The following CAMK1D variants were observed in gnomAD, a reference collection of about 807,000 sequenced individuals.
CAMK1D encodes the protein calcium/calmodulin dependent protein kinase ID.
Under a neutral mutation model 47.7 loss-of-function variants are expected in CAMK1D, and 9 were observed. That is an observed-to-expected ratio of 0.19 (90% CI 0.11 to 0.33). The LOEUF is 0.33. Ranked by LOEUF, CAMK1D falls within the 10% of genes least tolerant of loss-of-function variation. CAMK1D has a pLI of 1.00. For missense variants in CAMK1D, 291 were observed against 488.7 expected (o/e 0.60, Z 3.81); for synonymous variants, 184 against 184.9 (o/e 0.99, Z 0.04).
chr10:12,800,482 C>G (rs1438767906), intron 6 of CAMK1D, among the ~76,000 whole-genome samples: 1 of 152,198 alleles, frequency 6.6e-6, no homozygotes, highest in Non-Finnish European at 1.5e-5. Context: ...AGAGGACAAA[C>G]AGTGGCCACC....
chr10:12,824,376 C>T lies in CAMK1D; in HGVS notation c.834-89C>T, dbSNP rs978879141. 14 of 1,143,282 alleles carry T rather than the reference C, an allele frequency of 1.2e-5. No homozygotes were observed. The South Asian group carries it at 1.8e-4, about 15-fold the overall frequency. The allele number at this position is 1,143,282 out of a possible 1,614,324, so 70.8% of individuals were successfully genotyped here. ...CTGTCCACGACTGAGCCTCGGCTCT[C>T]CTGAGGCTAGGTAAGACTCCCCTTT... On this transcript the variant is annotated intron_variant, in intron 8 of 10. Transcript: ENST00000619168.
At chr10:12,522,191 CT>C (rs869304123) in intron 1 of CAMK1D, among the ~76,000 whole-genome samples, 2 of 40,388 alleles carry the variant, frequency 5.0e-5, no homozygotes, top group African/African-American at 8.5e-5. Flanking sequence ...GATATATTTC[CT>C]TTTTTTTTCT....
At chr10:12,462,963 G>A (rs575871520) in intron 1 of CAMK1D, among the ~76,000 whole-genome samples, 1 of 152,272 alleles carries the variant, frequency 6.6e-6, no homozygotes, top group South Asian at 2.1e-4. Flanking sequence ...TAGACAGAGA[G>A]CACTCTATCT....
At chr10:12,359,257 A>G (rs1247959533) in intron 1 of CAMK1D, among the ~76,000 whole-genome samples, 1 of 152,194 alleles carries the variant, frequency 6.6e-6, no homozygotes, top group Non-Finnish European at 1.5e-5. Flanking sequence ...CACGGGAACC[A>G]CTGAGAGCCG....
At chr10:12,757,406 G>A (rs1836279291) in intron 3 of CAMK1D, among the ~76,000 whole-genome samples, 1 of 152,002 alleles carries the variant, frequency 6.6e-6, no homozygotes, top group South Asian at 2.1e-4. Context: ...TTCTGATGTG[G>A]AGCTTTCAAA....
intron 1 of CAMK1D, among the ~76,000 whole-genome samples, chr10:12,518,466 T>C (rs1835276228): frequency 9.6e-6 from 1 of 103,702 alleles, no homozygotes; most frequent in African/African-American, 3.6e-5. Context: ...TATGTCTTTA[T>C]TCATTCTTTT....
At chr10:12,809,182 G>A (rs10906230) in intron 6 of CAMK1D, among the ~76,000 whole-genome samples, 68,299 of 151,828 alleles carry the variant, frequency 0.45, 17,010 homozygotes, top group African/African-American at 0.66. Flanking sequence ...TCATCCTAAC[G>A]GGTGGGAAGT....
chr10:12,678,038 A>AG (rs1840870491), intron 3 of CAMK1D, among the ~76,000 whole-genome samples: 1 of 151,866 alleles, frequency 6.6e-6, no homozygotes, highest in South Asian at 2.1e-4. Context: ...ATAAAGAAAA[A>AG]AAAAGGCATA....
At chr10:12,728,986 G>T (rs1213177344) in intron 3 of CAMK1D, among the ~76,000 whole-genome samples, 1 of 152,234 alleles carries the variant, frequency 6.6e-6, no homozygotes, top group African/African-American at 2.4e-5. Flanking sequence ...GAGGGAACAA[G>T]TTAAAAAAGA....
At chr10:12,535,019 T>C (rs1439735855) in intron 1 of CAMK1D, among the ~76,000 whole-genome samples, 5 of 152,166 alleles carry the variant, frequency 3.3e-5, no homozygotes, top group African/African-American at 1.2e-4. Flanking sequence ...ACAGGTTTGG[T>C]GAGCAGCTAG....
rs562526318 is a variant in CAMK1D at position 12,351,348 on chromosome 10, G to T, written c.92+1438G>T. On this transcript the variant is annotated intron_variant, in intron 1 of 10. Transcript: ENST00000619168. ...TTGCCTCTTAGTGCAGCCAGGTAAG[G>T]GGTTAGTTTGGGTCAAAACTTTTGA... 6.0e-4 allele frequency among the ~76,000 whole-genome samples: 92 copies of T among 152,240 alleles called. 1 individual carries two copies. The Middle Eastern group carries it at 0.01, about 17-fold the overall frequency.
chr10:12,761,741 C>T (rs1166253239), intron 4 of CAMK1D, among the ~76,000 whole-genome samples: 1 of 152,106 alleles, frequency 6.6e-6, no homozygotes. Context: ...CAAAAATTAG[C>T]TGGGTGTGGT....
intron 1 of CAMK1D, among the ~76,000 whole-genome samples, chr10:12,500,905 G>T (rs948653873): frequency 6.6e-6 from 1 of 152,192 alleles, no homozygotes; most frequent in Non-Finnish European, 1.5e-5. Flanking sequence ...GAACACTTTC[G>T]CATAGATTGC....
At chr10:12,410,440 G>T (rs576847524) in intron 1 of CAMK1D, among the ~76,000 whole-genome samples, 2 of 152,210 alleles carry the variant, frequency 1.3e-5, no homozygotes, top group Non-Finnish European at 2.9e-5. Context: ...TCCTGAAGGT[G>T]TTGACAGGAA....
chr10:12,726,571 C>A (rs1045125955), intron 3 of CAMK1D, among the ~76,000 whole-genome samples: 11 of 152,178 alleles, frequency 7.2e-5, no homozygotes, highest in Non-Finnish European at 8.8e-5. Context: ...TCTACAGAAG[C>A]CACGACCAGG....
chr10:12,485,675 A>G (rs966320303), intron 1 of CAMK1D, among the ~76,000 whole-genome samples: 29 of 152,300 alleles, frequency 1.9e-4, no homozygotes, highest in African/African-American at 6.3e-4. Flanking sequence ...CAGCTTCTTT[A>G]TCTGCAAACA....
At chr10:12,777,954 G>T (rs1425804999) in intron 5 of CAMK1D, among the ~76,000 whole-genome samples, 2 of 152,246 alleles carry the variant, frequency 1.3e-5, no homozygotes, top group Admixed American at 6.5e-5. Context: ...TGCCACTTGT[G>T]ATTCAGGGAC....
At chr10:12,422,580 A>G (rs1209270448) in intron 1 of CAMK1D, among the ~76,000 whole-genome samples, 2 of 152,226 alleles carry the variant, frequency 1.3e-5, no homozygotes, top group Non-Finnish European at 2.9e-5. Flanking sequence ...CCTCCAAAAA[A>G]GAGCTTGTAG....
intron 5 of CAMK1D, among the ~76,000 whole-genome samples, chr10:12,779,307 C>T (rs1313754480): frequency 1.3e-5 from 2 of 152,306 alleles, no homozygotes; most frequent in South Asian, 2.1e-4. Flanking sequence ...TGCTCAGCTG[C>T]ATTAATTAAA....
Sources: gnomAD v4.1 joint callset for allele counts (sites outside exome capture counted in the v4.1 genomes callset) on GRCh38, gnomAD v4.1.1 for gene constraint, MANE v1.5 for transcripts, NCBI Gene and HGNC (gene_info 2026-07-23, HGNC 2026-07-21) for gene names.